Variants in ESCO2 observed in about 807,000 individuals in gnomAD.
The protein encoded by ESCO2 is N-acetyltransferase ESCO2.
A neutral mutation model predicts 61.7 loss-of-function variants in ESCO2; 51 were observed. That is an observed-to-expected ratio of 0.83 (90% CI 0.66 to 1.04). The LOEUF is 1.04. Among genes scored for constraint, ESCO2 ranks in the 50% least tolerant of loss-of-function variants. The pLI is 0.00. For missense variants in ESCO2, 692 were observed against 686.2 expected, an observed-to-expected ratio of 1.01 and a Z score of -0.09; for synonymous variants, 230 against 238.2, an observed-to-expected ratio of 0.97 and a Z score of 0.32.
Position 27,780,166 on chromosome 8 carries a change from A to G in ESCO2, c.862-8A>G. ...GATGTTTGGTTTTTTTTTTAAACCT[A>G]TTTTCAGGATTCATCAGATGACAGA... On this transcript the variant is annotated splice_region_variant and splice_polypyrimidine_tract_variant and intron_variant, in intron 3 of 10. Transcript: ENST00000305188. The G allele has an allele frequency of 1.3e-6, 2 of 1,569,326 alleles. No homozygotes were observed. The highest frequency in any genetic ancestry group is 1.8e-6 in the Non-Finnish European group (2 of 1,142,664).
rs1282823941 is a variant in ESCO2, at chr8:27,776,350, TTC to T, written c.54-10_54-9del. The T allele has an allele frequency of 1.3e-6, 2 of 1,595,338 alleles. No individual in the cohort carries two copies. The highest frequency in any genetic ancestry group is 1.7e-4 in the Middle Eastern group (1 of 5,896). On this transcript the variant is annotated splice_polypyrimidine_tract_variant and intron_variant, in intron 2 of 10. Transcript: ENST00000305188. Reference sequence around the variant, plus strand: ...AAATAATCTTATCAATGGACTTTGTTTCTTTTTATAGCCTTTTACACTTCACT... The same window carrying T: ...AAATAATCTTATCAATGGACTTTGTTTTTTTATAGCCTTTTACACTTCACT...
In ESCO2 at chr8:27,804,381, T is replaced by C; in HGVS notation, c.*943T>C. On this transcript the variant is annotated 3_prime_UTR_variant, in exon 11 of 11. Transcript: ENST00000305188. ...TGGATTAGATGTTTTCATTTTCTAA[T>C]TTTTTGCTTGTTTAAAATGCACCTT... The C allele has an allele frequency of 1.0e-6, 1 of 985,442 alleles. No individual in the cohort carries two copies. 61.0% of individuals were successfully genotyped at this position (985,442 alleles called of 1,614,324 possible).
intron 6 of ESCO2, 60 bp from the exon 7 acceptor site, chr8:27,788,787 T>C (rs1805107039): frequency 6.2e-7 from 1 of 1,605,600 alleles, no homozygotes; most frequent in Non-Finnish European, 8.5e-7. Context: ...TATAGGAACT[T>C]AATTTAGAGC....
chr8:27,772,955 C>T (rs541142675), upstream of ESCO2, among the ~76,000 whole-genome samples: 1 of 152,252 alleles, frequency 6.6e-6, no homozygotes, highest in African/African-American at 2.4e-5. Flanking sequence ...GACAATATGC[C>T]TCTTGGGGAT....
chr8:27,773,137 C>T (rs117788167), upstream of ESCO2, among the ~76,000 whole-genome samples: 1 of 152,128 alleles, frequency 6.6e-6, no homozygotes, highest in Non-Finnish European at 1.5e-5. Flanking sequence ...ATGTGAGTCC[C>T]TTTAAATTAC....
At chr8:27,773,987 A>G (rs1016908248), upstream of ESCO2, among the ~76,000 whole-genome samples, 1 of 152,246 alleles carries the variant, frequency 6.6e-6, no homozygotes, top group African/African-American at 2.4e-5. Flanking sequence ...AGATTGTGGT[A>G]AGAAGTAAAT....
At chr8:27,802,623 AAAAAAAAATATATATAT>A (rs1805459968) in intron 10 of ESCO2, among the ~76,000 whole-genome samples, 1 of 66,510 alleles carries the variant, frequency 1.5e-5, no homozygotes, top group African/African-American at 6.3e-5. Context: ...AAAAAAAAAA[AAAAAAAAATATATATAT>A]ATATATATAT....
chr8:27,792,245 T>C (rs574216331), intron 8 of ESCO2, among the ~76,000 whole-genome samples, 193 bp downstream of exon 8: 107 of 152,302 alleles, frequency 7.0e-4, no homozygotes, highest in Non-Finnish European at 1.1e-3. Flanking sequence ...CTCCACAGCT[T>C]ATCTTTTATA....
In ESCO2 at chr8:27,780,148, G is replaced by GT. The variant is rs766896242; in HGVS notation, c.862-26_862-25insT. On this transcript the variant is annotated intron_variant, in intron 3 of 10. Coordinates refer to ENST00000305188, the MANE Select transcript of ESCO2 (RefSeq NM_001017420.3). ...AAATAGTTAAAAATTACAGATGTTT[G>GT]GTTTTTTTTTTAAACCTATTTTCAG... is the stretch of plus-strand genomic sequence containing the variant. The GT allele has an allele frequency of 1.0e-4, 140 of 1,382,796 alleles. No individual in the cohort carries two copies. The East Asian group carries it at 3.1e-3, about 30-fold the overall frequency. The allele number at this position is 1,382,796 out of a possible 1,614,324, so 85.7% of individuals were successfully genotyped here. A position where few individuals can be genotyped will look rare whatever the true frequency, so the allele number is the denominator to read the frequency against.
downstream of ESCO2, among the ~76,000 whole-genome samples, chr8:27,817,483 C>A (rs1805840592): frequency 1.3e-5 from 2 of 151,466 alleles, no homozygotes; most frequent in African/African-American, 2.4e-5. Flanking sequence ...GTGTTAGTAT[C>A]TTTTATTAGG....
At chr8:27,774,820 G>A (rs1804749113) in intron 1 of ESCO2, 1 of 152,104 alleles carries the variant, frequency 6.6e-6, no homozygotes, top group South Asian at 2.1e-4. Flanking sequence ...CCTTGTTTTG[G>A]GTTTAGGGTT....
At chr8:27,814,160 A>G (rs956159695), downstream of ESCO2, among the ~76,000 whole-genome samples, 1 of 152,196 alleles carries the variant, frequency 6.6e-6, no homozygotes, top group African/African-American at 2.4e-5. Flanking sequence ...TATTTGGTAG[A>G]AATCAACAGT....
At chr8:27,810,324 G>T (rs1805647176), downstream of ESCO2, 1 of 1,611,642 alleles carries the variant, frequency 6.2e-7, no homozygotes, top group Non-Finnish European at 8.5e-7. Flanking sequence ...TGTTTCCAGA[G>T]CTTCAACAAT....
intron 1 of ESCO2, among the ~76,000 whole-genome samples, chr8:27,775,174 AG>A (rs1804759662): frequency 6.6e-6 from 1 of 152,214 alleles, no homozygotes. Context: ...CTCATCAGCT[AG>A]GAAAATGGCA....
chr8:27,800,597 T>C (rs1179935834), intron 10 of ESCO2, among the ~76,000 whole-genome samples: 1 of 152,178 alleles, frequency 6.6e-6, no homozygotes, highest in Non-Finnish European at 1.5e-5. Flanking sequence ...CCTAGCAGTT[T>C]CACTCCTAGG....
chr8:27,797,066 C>T (rs142982356), intron 9 of ESCO2, among the ~76,000 whole-genome samples: 3 of 152,030 alleles, frequency 2.0e-5, no homozygotes, highest in Non-Finnish European at 4.4e-5. Flanking sequence ...GTGCTATGAT[C>T]GCACCAGTGC....
downstream of ESCO2, chr8:27,810,340 C>T: frequency 6.2e-7 from 1 of 1,612,670 alleles, no homozygotes; most frequent in Non-Finnish European, 8.5e-7. Context: ...ACAATGTGTG[C>T]AGCAGAAGGA....
At position 27,804,984 on chromosome 8, in the gene ESCO2, A is replaced by G. The variant is rs1377165488; in HGVS notation, c.*1546A>G. The G allele has an allele frequency of 3.5e-6, 1 of 285,978 alleles. No individual in the cohort carries two copies. The highest frequency in any genetic ancestry group is 5.2e-6 in the Non-Finnish European group (1 of 191,356). The allele number at this position is 285,978 out of a possible 1,614,324, so 17.7% of individuals were successfully genotyped here. On this transcript the variant is annotated 3_prime_UTR_variant, in exon 11 of 11. Coordinates refer to ENST00000305188, the MANE Select transcript of ESCO2 (RefSeq NM_001017420.3). ...AGATAATACAGAAATAGAGATTGCC[A>G]AAAGAAGAGGCTTCCCGGCCGGGCG...
chr8:27,816,103 C>T (rs17057923), downstream of ESCO2, among the ~76,000 whole-genome samples: 23,713 of 151,716 alleles, frequency 0.16, 2,349 homozygotes, highest in East Asian at 0.36. Flanking sequence ...GCGAGGCCTT[C>T]CTCAACATCT....
Sources: gnomAD v4.1 joint callset for allele counts (sites outside exome capture counted in the v4.1 genomes callset) on GRCh38, gnomAD v4.1.1 for gene constraint, MANE v1.5 for transcripts, NCBI Gene and HGNC (gene_info 2026-07-23, HGNC 2026-07-21) for gene names.